SFXN4: variants seen among roughly 807,000 people sequenced by gnomAD.
SFXN4 encodes the protein sideroflexin 4.
A neutral mutation model predicts 54.6 loss-of-function variants in SFXN4; 48 were observed. The ratio of observed to expected loss-of-function variants is 0.88; its 90% confidence interval spans 0.70 to 1.12. The LOEUF (loss-of-function observed/expected upper bound fraction) is 1.12, where lower values mean the gene tolerates loss of function less well. Ranked by LOEUF, SFXN4 falls within the 50% of genes most tolerant of loss-of-function variation. The pLI, the probability that SFXN4 is intolerant of heterozygous loss-of-function variation, is 0.00. For synonymous variants in SFXN4, 130 were observed against 145.5 expected (o/e 0.89, Z 0.77); for missense variants, 383 against 409.2 (o/e 0.94, Z 0.55).
chr10:119,164,271 T>TTC (rs1340730881), intron 1 of SFXN4, 75 bp from the exon 2 acceptor site: 4 of 864,122 alleles, frequency 4.6e-6, no homozygotes, highest in Admixed American at 2.5e-5. Flanking sequence ...CAGTTGGCTT[T>TTC]TTTTTTTTTT....
chr10:119,153,634 G>A (rs1045895055), intron 11 of SFXN4, among the ~76,000 whole-genome samples: 1 of 152,206 alleles, frequency 6.6e-6, no homozygotes, highest in African/African-American at 2.4e-5. Context: ...ACTGACCTCT[G>A]TAAGTGCAGA....
At chr10:119,154,336 C>A (rs1387250569) in intron 11 of SFXN4, among the ~76,000 whole-genome samples, 1 of 152,186 alleles carries the variant, frequency 6.6e-6, no homozygotes, top group Non-Finnish European at 1.5e-5. Context: ...AGCCTCCAGG[C>A]CTGCCCTGCA....
chr10:119,161,183 C>G lies in SFXN4; in HGVS notation c.253-102G>C, dbSNP rs570042410. 8.1e-6 allele frequency: 9 copies of G among 1,113,286 alleles called. No homozygotes were observed. In the East Asian group the frequency reaches 2.2e-4, roughly 28 times the overall value. The allele number at this position is 1,113,286 out of a possible 1,614,324, so 69.0% of individuals were successfully genotyped here. On this transcript the variant is annotated intron_variant, in intron 3 of 13. Coordinates refer to ENST00000355697, the MANE Select transcript of SFXN4 (RefSeq NM_213649.2). Reference sequence around the variant, plus strand: ...GGCTGGGGTATAGTGGCACAATCATCACTCACTGCAGAACAGCCTCGAACT... The same window carrying G: ...GGCTGGGGTATAGTGGCACAATCATGACTCACTGCAGAACAGCCTCGAACT...
At chr10:119,158,587 G>A (rs959004360) in intron 6 of SFXN4, among the ~76,000 whole-genome samples, 1 of 131,710 alleles carries the variant, frequency 7.6e-6, no homozygotes, top group Non-Finnish European at 1.5e-5. Context: ...TTGCACTCCA[G>A]CCTGGGAGAC....
At chr10:119,147,091 C>T (rs2133576966) in intron 12 of SFXN4, among the ~76,000 whole-genome samples, 1 of 152,302 alleles carries the variant, frequency 6.6e-6, no homozygotes, top group Middle Eastern at 3.4e-3. Context: ...CTGGGAGTTA[C>T]TAGCAAGTGG....
chr10:119,159,905 T>C (rs1847447783), intron 5 of SFXN4, 152 bp from the exon 6 acceptor site: 6 of 812,686 alleles, frequency 7.4e-6, no homozygotes, highest in Non-Finnish European at 1.2e-5. Flanking sequence ...GTTTTTCTAA[T>C]AAAGTGGGGG....
intron 6 of SFXN4, among the ~76,000 whole-genome samples, chr10:119,158,347 G>A (rs1325997051): frequency 1.3e-5 from 2 of 152,112 alleles, no homozygotes; most frequent in African/African-American, 2.4e-5. Context: ...TTAGCTGGGT[G>A]CAGTGGCTCA....
At position 119,146,288 on chromosome 10, in the gene SFXN4, G is replaced by A. The variant is rs759489120; in HGVS notation, c.884C>T (p.Ala295Val). Residue 295 changes from alanine (A) to valine (V), a missense_variant, in exon 13 of 14, where the codon GCA becomes GTA. Ala to Val is a moderately conservative substitution (Grantham distance 64). Coordinates refer to ENST00000355697, the MANE Select transcript of SFXN4 (RefSeq NM_213649.2). ...WILKLSCTVL[A>V]MGLMVPFSFS... ...AGAAAATGGCACCATCAGTCCCATT[G>A]CCAGGACAGTACAAGACAGTTTCAA... 9 of 1,613,576 alleles carry A rather than the reference G, an allele frequency of 5.6e-6. No individual in the cohort carries two copies. The highest frequency in any genetic ancestry group is 7.6e-6 in the Non-Finnish European group (9 of 1,179,746).
intron 11 of SFXN4, among the ~76,000 whole-genome samples, chr10:119,149,162 T>C (rs1003959640): frequency 2.6e-5 from 4 of 152,112 alleles, no homozygotes; most frequent in African/African-American, 9.7e-5. Flanking sequence ...GCTAACATGT[T>C]AACTTTAGAA....
At position 119,148,704 on chromosome 10, in the gene SFXN4, G is replaced by C. The variant is rs147028145; in HGVS notation, c.733-844C>G. 5.5e-3 allele frequency among the ~76,000 whole-genome samples: 831 copies of C among 152,216 alleles called. 10 individuals carry two copies. Among genetic ancestry groups the C allele is most frequent in the African/African-American group, 0.019 (781 of 41,518 alleles). ...ATACTATAAAATTGTGTTATGTACA[G>C]GTTATAACATTTTTGTAATCTTTTC... On this transcript the variant is annotated intron_variant, in intron 11 of 13. Transcript: ENST00000355697.
In SFXN4 at chr10:119,147,858, A is replaced by T. The variant is rs1846885916; in HGVS notation, c.735T>A (p.Ala245=). The stretch of plus-strand genomic sequence containing the variant: ...TTCTGGATGCTAGCGTTTCTCTAAC[A>T]GCCTAGCAAAAATGAAAAGAAAACA... ...LGHSRIAGTK[A]VRETLASRIV... The change falls in exon 12 of 14, where the codon GCT becomes GCA. Residue 245 remains alanine, a splice_region_variant and synonymous_variant. Transcript: ENST00000355697. 1 of 1,613,818 alleles carries T rather than the reference A, an allele frequency of 6.2e-7. No homozygotes were observed. The highest frequency in any genetic ancestry group is 1.3e-5 in the African/African-American group (1 of 74,930).
chr10:119,146,477 C>A, intron 12 of SFXN4, 124 bp from the exon 13 acceptor site: 2 of 453,568 alleles, frequency 4.4e-6, no homozygotes, highest in Non-Finnish European at 3.9e-6. Flanking sequence ...GTGTGTGTAC[C>A]TGAACACCTG....
At chr10:119,142,008 C>T (rs1163199638) in intron 13 of SFXN4, among the ~76,000 whole-genome samples, 1 of 151,934 alleles carries the variant, frequency 6.6e-6, no homozygotes, top group Non-Finnish European at 1.5e-5. Flanking sequence ...TTGCAATCAG[C>T]CTGGGCAATA....
intron 11 of SFXN4, among the ~76,000 whole-genome samples, chr10:119,148,246 A>G (rs1589628540): frequency 1.3e-5 from 2 of 152,148 alleles, no homozygotes; most frequent in South Asian, 2.1e-4. Flanking sequence ...GGCAACAGTA[A>G]CCCACCCTTC....
chr10:119,148,313 T>C (rs1028813517), intron 11 of SFXN4, among the ~76,000 whole-genome samples: 1 of 152,090 alleles, frequency 6.6e-6, no homozygotes, highest in Non-Finnish European at 1.5e-5. Context: ...TCCACGTAAC[T>C]TTCCATGTAC....
chr10:119,164,651 G>A lies in SFXN4; in HGVS notation c.112-455C>T, dbSNP rs562189641. On this transcript the variant is annotated intron_variant, in intron 1 of 13. Coordinates refer to ENST00000355697, the MANE Select transcript of SFXN4 (RefSeq NM_213649.2). The stretch of plus-strand genomic sequence containing the variant: ...CATTAAGGGCTCAATGGTGCAGCTG[G>A]GGTCACACTGGGGAAAAAGAGGTTT... 5.9e-5 allele frequency among the ~76,000 whole-genome samples: 9 copies of A among 152,236 alleles called. No individual in the cohort carries two copies. The East Asian group carries it at 1.5e-3, about 26-fold the overall frequency.
intron 11 of SFXN4, among the ~76,000 whole-genome samples, chr10:119,148,116 G>A (rs1846897745): frequency 6.6e-6 from 1 of 152,118 alleles, no homozygotes; most frequent in Admixed American, 6.6e-5. Flanking sequence ...ATTTTGCAGT[G>A]AGCCAAGATC....
rs530002022 is a variant in SFXN4 at position 119,158,826 on chromosome 10, T to TA, written c.361-765dup. On this transcript the variant is annotated intron_variant, in intron 6 of 13. Coordinates refer to ENST00000355697, the MANE Select transcript of SFXN4 (RefSeq NM_213649.2). ...AGCAAGACTCAGACTCTGGTAAAAA[T>TA]AAAAAAATTAGCCTGCCATGGTGGC... Among the ~76,000 whole-genome samples the TA allele has an allele frequency of 1.3e-4, 19 of 151,824 alleles. No homozygotes were observed. In the South Asian group the frequency reaches 3.7e-3, roughly 30 times the overall value.
intron 11 of SFXN4, among the ~76,000 whole-genome samples, chr10:119,150,348 C>A (rs1847011860): frequency 6.6e-6 from 1 of 152,014 alleles, no homozygotes; most frequent in Admixed American, 6.6e-5. Context: ...TAGCACCAAG[C>A]CTGGCAGGCA....
Sources: allele counts gnomAD v4.1 joint callset (sites outside exome capture counted in the v4.1 genomes callset), GRCh38; gene constraint gnomAD v4.1.1; transcripts MANE v1.5; gene names NCBI Gene and HGNC (gene_info 2026-07-23, HGNC 2026-07-21).